PIGN: variants seen among roughly 807,000 people sequenced by gnomAD.
PIGN encodes phosphatidylinositol glycan anchor biosynthesis class N.
Under a neutral mutation model 125.4 loss-of-function variants are expected in PIGN, and 117 were observed. The ratio of observed to expected loss-of-function variants is 0.93; its 90% CI spans 0.80 to 1.09. PIGN has a LOEUF of 1.09. PIGN is among the 50% of genes least tolerant of loss of function. The pLI, the probability that PIGN is intolerant of heterozygous loss-of-function variation, is 0.00. For missense variants in PIGN, 1,075 were observed against 1,094.9 expected, an observed-to-expected ratio of 0.98 and a Z score of 0.26; for synonymous variants, 392 against 377.8, an observed-to-expected ratio of 1.04 and a Z score of -0.44.
intron 24 of PIGN, among the ~76,000 whole-genome samples, 184 bp downstream of exon 24, chr18:62,090,292 C>T (rs931103254): frequency 6.6e-6 from 1 of 152,058 alleles, no homozygotes; most frequent in African/African-American, 2.4e-5. Flanking sequence ...TTGTGCTTTT[C>T]TGTGATAAGT....
chr18:62,108,290 T>A lies in PIGN; in HGVS notation c.1575-1205A>T, dbSNP rs532122495. On this transcript the variant is annotated intron_variant, in intron 17 of 30. Transcript: ENST00000640252. ...AAGATAAAGATAGGACACAACATAC[T>A]TTCAAAATCATGTTTTCCCTTAAAA... 2.2e-4 allele frequency among the ~76,000 whole-genome samples: 34 copies of A among 152,264 alleles called. No individual in the cohort carries two copies. The South Asian group carries it at 5.6e-3, about 25-fold the overall frequency.
intron 16 of PIGN, 45 bp downstream of exon 16, chr18:62,113,089 G>T: frequency 6.9e-7 from 1 of 1,440,256 alleles, no homozygotes. Flanking sequence ...TTCAGTACTA[G>T]TGATTTTATA....
intron 28 of PIGN, among the ~76,000 whole-genome samples, chr18:62,082,147 C>A (rs1165741081): frequency 6.6e-6 from 1 of 152,052 alleles, no homozygotes; most frequent in East Asian, 1.9e-4. Flanking sequence ...ACGGACTGCT[C>A]CAGAAATTCC....
intron 30 of PIGN, among the ~76,000 whole-genome samples, chr18:62,071,999 T>C (rs1286015451): frequency 1.4e-5 from 2 of 147,702 alleles, no homozygotes; most frequent in African/African-American, 4.9e-5. Context: ...ATGCATGTTA[T>C]TGCCTGTGAA....
At chr18:62,018,465 T>C (rs936068447) in intron 23 of PIGN, among the ~76,000 whole-genome samples, 1 of 152,238 alleles carries the variant, frequency 6.6e-6, no homozygotes, top group Non-Finnish European at 1.5e-5. Context: ...GGGCAACACA[T>C]GCTTAGCAGC....
At chr18:62,153,944 G>A (rs1262860339) in intron 7 of PIGN, 3 of 152,098 alleles carry the variant, frequency 2.0e-5, no homozygotes, top group African/African-American at 7.2e-5. Flanking sequence ...AAAGAAGAGA[G>A]CCAATGTCCA....
intron 7 of PIGN, chr18:62,153,385 T>A (rs1256160230): frequency 6.6e-6 from 1 of 152,152 alleles, no homozygotes; most frequent in Non-Finnish European, 1.5e-5. Context: ...CACTACCGTG[T>A]CAAGACTAGT....
At chr18:62,154,723 A>G (rs2036661605) in intron 6 of PIGN, 72 bp from the exon 7 acceptor site, 3 of 748,148 alleles carry the variant, frequency 4.0e-6, no homozygotes, top group East Asian at 5.0e-5. Flanking sequence ...TGAGCTAGTC[A>G]TTCACAGATT....
At chr18:62,098,668 G>A (rs962385887) in intron 22 of PIGN, among the ~76,000 whole-genome samples, 1 of 152,112 alleles carries the variant, frequency 6.6e-6, no homozygotes, top group Non-Finnish European at 1.5e-5. Context: ...TGGTGTATCT[G>A]TGCCTAAAAG....
At chr18:62,093,222 T>C (rs751002425) in intron 23 of PIGN, among the ~76,000 whole-genome samples, 15 of 152,108 alleles carry the variant, frequency 9.9e-5, no homozygotes, top group Non-Finnish European at 1.9e-4. Flanking sequence ...ATAAATGTCA[T>C]AGTTCTACAA....
chr18:62,038,695 G>A, downstream of PIGN, among the ~76,000 whole-genome samples: 1 of 152,120 alleles, frequency 6.6e-6, no homozygotes, highest in East Asian at 1.9e-4. Flanking sequence ...TACTTTGGGA[G>A]ACCAAGGGGC....
chr18:62,137,661 T>G (rs2035982946), intron 14 of PIGN: 1 of 152,976 alleles, frequency 6.5e-6, no homozygotes, highest in South Asian at 2.1e-4. Flanking sequence ...GGTCTCGAAC[T>G]CCTGAGCTCA....
intron 23 of PIGN, among the ~76,000 whole-genome samples, chr18:62,035,416 C>G (rs1176130550): frequency 6.6e-6 from 1 of 152,180 alleles, no homozygotes. Flanking sequence ...CATTGTAACT[C>G]AATATCATAA....
intron 28 of PIGN, among the ~76,000 whole-genome samples, chr18:62,079,464 T>C (rs2033343801): frequency 2.0e-5 from 3 of 152,190 alleles, no homozygotes; most frequent in Admixed American, 2.0e-4. Flanking sequence ...ATGCCACACA[T>C]TGTGAAATAT....
At chr18:62,089,357 G>A (rs756134136) in intron 24 of PIGN, among the ~76,000 whole-genome samples, 2 of 152,118 alleles carry the variant, frequency 1.3e-5, no homozygotes, top group Non-Finnish European at 2.9e-5. Flanking sequence ...ATCCAACAAG[G>A]TGAGTGCACT....
chr18:62,090,468 C>A lies in PIGN; in HGVS notation c.2283+8G>T, dbSNP rs375199437. ...CAAATAAAAACAAAAATGACTTTGA[C>A]CAGCTACCTTTTGTTTACAGCAAAC... On this transcript the variant is annotated splice_region_variant and intron_variant, in intron 24 of 30. Transcript: ENST00000640252. The A allele has an allele frequency of 6.5e-7, 1 of 1,549,628 alleles. No homozygotes were observed. Among genetic ancestry groups the A allele is most frequent in the South Asian group, 1.1e-5 (1 of 87,088 alleles).
chr18:62,150,378 T>G (rs1022551285), intron 7 of PIGN, among the ~76,000 whole-genome samples: 1 of 152,208 alleles, frequency 6.6e-6, no homozygotes, highest in Non-Finnish European at 1.5e-5. Context: ...TGAACAGTTA[T>G]AGTATAGCAC....
rs180719166 is a variant in PIGN at position 62,170,829 on chromosome 18, A to G, written c.-235-7173T>C. Among the ~76,000 whole-genome samples the G allele has an allele frequency of 4.6e-5, 7 of 152,276 alleles. No individual in the cohort carries two copies. In the East Asian group the frequency reaches 1.3e-3, roughly 29 times the overall value. ...GTTCTTGAAGAAAATTAAAAGTGTTACTCCAGTGAATACATGAATGATAAT... is the reference window on the plus strand; with the variant it reads ...GTTCTTGAAGAAAATTAAAAGTGTTGCTCCAGTGAATACATGAATGATAAT... On this transcript the variant is annotated intron_variant, in intron 1 of 30. Coordinates refer to ENST00000640252, the MANE Select transcript of PIGN (RefSeq NM_176787.5).
At chr18:62,178,475 G>A (rs2037604743) in intron 1 of PIGN, among the ~76,000 whole-genome samples, 1 of 151,758 alleles carries the variant, frequency 6.6e-6, no homozygotes, top group Admixed American at 6.6e-5. Flanking sequence ...AACCTACGAT[G>A]TGAAGTAAAA....
Sources: allele counts gnomAD v4.1 joint callset (sites outside exome capture counted in the v4.1 genomes callset), GRCh38; gene constraint gnomAD v4.1.1; transcripts MANE v1.5; gene names NCBI Gene and HGNC (gene_info 2026-07-23, HGNC 2026-07-21).